Variants in MYO1D observed in about 807,000 individuals in gnomAD.
MYO1D encodes the protein myosin ID, also known as unconventional myosin-Id.
MYO1D carries 83 observed loss-of-function variants against 122.0 expected under a neutral mutation model. The ratio of observed to expected loss-of-function variants is 0.68; its 90% CI spans 0.57 to 0.82. The LOEUF (loss-of-function observed/expected upper bound fraction) is 0.82. Among genes scored for constraint, MYO1D ranks in the 40% least tolerant of loss-of-function variants. The pLI is 0.00. For missense variants in MYO1D, 1,157 were observed against 1,269.5 expected (o/e 0.91, Z 1.35); for synonymous variants, 464 against 446.9 (o/e 1.04, Z -0.48).
intron 21 of MYO1D, among the ~76,000 whole-genome samples, chr17:32,558,899 T>C (rs1232979707): frequency 1.3e-5 from 2 of 152,194 alleles, no homozygotes; most frequent in African/African-American, 4.8e-5. Context: ...AACCCTTCCA[T>C]GCCTCAGTTT....
intron 21 of MYO1D, among the ~76,000 whole-genome samples, chr17:32,522,183 T>C (rs1222430300): frequency 6.6e-6 from 1 of 151,232 alleles, no homozygotes; most frequent in Non-Finnish European, 1.5e-5. Context: ...AGCAAATAAT[T>C]AAAATTAATC....
Position 32,712,120 on chromosome 17 carries a change from A to G in MYO1D, c.1989T>C (p.Ile663=). 1 of 1,614,186 alleles carries G rather than the reference A, an allele frequency of 6.2e-7. No homozygotes were observed. The highest frequency in any genetic ancestry group is 8.5e-7 in the Non-Finnish European group (1 of 1,180,022). ...CATCATCCTGAAAACCACACCGTTC[A>G]ATTAGTTTCTTGACAGCCTCTTTGT... ...PSDKEAVKKL[I]ERCGFQDDVA... The change falls in exon 16 of 22, where the codon ATT becomes ATC. Residue 663 remains isoleucine, a synonymous_variant. Transcript: ENST00000318217.
rs185315457 is a variant in MYO1D, at chr17:32,631,630, G to C, written c.2709+7092C>G. 2.0e-5 allele frequency among the ~76,000 whole-genome samples: 3 copies of C among 151,460 alleles called. No individual in the cohort carries two copies. The East Asian group carries it at 5.8e-4, about 29-fold the overall frequency. On this transcript the variant is annotated intron_variant, in intron 20 of 21. Coordinates refer to ENST00000318217, the MANE Select transcript of MYO1D (RefSeq NM_015194.3). ...CAACTGCACTCCAGCCTGGGCAACA[G>C]AGCGAGAACCCGTCTCTTAAAAAAA...
chr17:32,517,798 A>T (rs896030956), intron 21 of MYO1D, among the ~76,000 whole-genome samples: 6 of 152,176 alleles, frequency 3.9e-5, no homozygotes, highest in Non-Finnish European at 8.8e-5. Context: ...TATTATGACA[A>T]TTTTTAAACA....
At chr17:32,660,745 A>G (rs1470620731) in intron 16 of MYO1D, among the ~76,000 whole-genome samples, 1 of 152,252 alleles carries the variant, frequency 6.6e-6, no homozygotes, top group Non-Finnish European at 1.5e-5. Context: ...TGGCGTCAGT[A>G]CAGCAGCCCT....
At chr17:32,636,265 G>C (rs1389929218) in intron 20 of MYO1D, among the ~76,000 whole-genome samples, 1 of 152,038 alleles carries the variant, frequency 6.6e-6, no homozygotes, top group Non-Finnish European at 1.5e-5. Context: ...AATTCAATAT[G>C]GTTAAAATTG....
At chr17:32,669,766 T>G (rs1435640385) in intron 16 of MYO1D, among the ~76,000 whole-genome samples, 2 of 152,170 alleles carry the variant, frequency 1.3e-5, no homozygotes, top group Non-Finnish European at 2.9e-5. Flanking sequence ...ACCTAGACTA[T>G]GAAAGCTATT....
intron 1 of MYO1D, among the ~76,000 whole-genome samples, chr17:32,855,882 C>A (rs1199548936): frequency 6.6e-6 from 1 of 152,152 alleles, no homozygotes; most frequent in African/African-American, 2.4e-5. Flanking sequence ...ACTCATGGAT[C>A]CATGCTATGA....
chr17:32,786,541 C>T (rs930457677), intron 1 of MYO1D, among the ~76,000 whole-genome samples: 2 of 152,214 alleles, frequency 1.3e-5, no homozygotes, highest in Middle Eastern at 3.2e-3. Flanking sequence ...ATCATTAGGC[C>T]GGGCGCACTG....
chr17:32,768,643 C>A lies in MYO1D; in HGVS notation c.715-891G>T, dbSNP rs374718237. On this transcript the variant is annotated intron_variant, in intron 6 of 21. Transcript: ENST00000318217. Reference sequence around the variant, plus strand: ...GTGTCCAGGAGACAACCAGGCCAGCCCCTCCTCCTCCTAGGTTTTTGTTTT... The same window carrying A: ...GTGTCCAGGAGACAACCAGGCCAGCACCTCCTCCTCCTAGGTTTTTGTTTT... Among the ~76,000 whole-genome samples, 17 of 152,160 alleles carry A rather than the reference C, an allele frequency of 1.1e-4. No homozygotes were observed. In the South Asian group the frequency reaches 1.7e-3, roughly 15 times the overall value.
intron 11 of MYO1D, among the ~76,000 whole-genome samples, chr17:32,750,351 C>CAGGCCT (rs2089885951): frequency 6.6e-6 from 1 of 152,112 alleles, no homozygotes; most frequent in African/African-American, 2.4e-5. Context: ...TGGTGGCTCA[C>CAGGCCT]GTCTGTAATC....
At chr17:32,645,768 AC>A (rs2150944800) in intron 19 of MYO1D, among the ~76,000 whole-genome samples, 1 of 152,108 alleles carries the variant, frequency 6.6e-6, no homozygotes, top group South Asian at 2.1e-4. Flanking sequence ...TCCTTTAATG[AC>A]TTCTCTGCAT....
At chr17:32,517,274 G>C (rs1283133869) in intron 21 of MYO1D, among the ~76,000 whole-genome samples, 2 of 152,236 alleles carry the variant, frequency 1.3e-5, no homozygotes, top group African/African-American at 4.8e-5. Context: ...GACTGTCACA[G>C]GATGGGATCC....
At chr17:32,816,339 C>A (rs768694328) in intron 1 of MYO1D, among the ~76,000 whole-genome samples, 3 of 152,138 alleles carry the variant, frequency 2.0e-5, no homozygotes, top group Non-Finnish European at 4.4e-5. Context: ...AAAGGCTTCA[C>A]TGAGACAAAC....
intron 21 of MYO1D, among the ~76,000 whole-genome samples, chr17:32,555,064 T>C (rs1230386011): frequency 1.3e-5 from 2 of 152,184 alleles, no homozygotes; most frequent in Non-Finnish European, 2.9e-5. Context: ...CAATTACGGA[T>C]ATGAATAAAT....
intron 13 of MYO1D, among the ~76,000 whole-genome samples, chr17:32,739,351 G>C (rs891435747): frequency 5.5e-4 from 84 of 152,070 alleles, no homozygotes; most frequent in African/African-American, 1.9e-3. Flanking sequence ...TAGGAACATG[G>C]ATGAAGCTGG....
intron 21 of MYO1D, among the ~76,000 whole-genome samples, chr17:32,561,993 TCTC>T (rs2087130180): frequency 3.8e-5 from 3 of 79,284 alleles, no homozygotes; most frequent in African/African-American, 3.8e-4. Context: ...TTTTCTTCTC[TCTC>T]TTTTTTTTTT....
intron 1 of MYO1D, among the ~76,000 whole-genome samples, chr17:32,862,513 A>C (rs748535005): frequency 6.6e-6 from 1 of 152,264 alleles, no homozygotes; most frequent in Non-Finnish European, 1.5e-5. Context: ...TTGAATATGT[A>C]CATTTTTTAT....
intron 21 of MYO1D, among the ~76,000 whole-genome samples, chr17:32,550,987 T>C (rs116976400): frequency 0.022 from 3,324 of 152,164 alleles, 47 homozygotes; most frequent in Middle Eastern, 0.037. Flanking sequence ...AAAGAAATGA[T>C]AATAGTGAAA....
Sources: gnomAD v4.1 joint callset for allele counts (sites outside exome capture counted in the v4.1 genomes callset) on GRCh38, gnomAD v4.1.1 for gene constraint, MANE v1.5 for transcripts, NCBI Gene and HGNC (gene_info 2026-07-23, HGNC 2026-07-21) for gene names.